The following DOK5 variants were observed in gnomAD, a reference collection of about 807,000 sequenced individuals.
The protein encoded by DOK5 is downstream of tyrosine kinase 5.
In DOK5, 27 loss-of-function variants were observed where a neutral mutation model predicts 43.3. That is an observed-to-expected ratio of 0.62 (90% CI 0.46 to 0.86). The LOEUF is 0.86. Among genes scored for constraint, DOK5 ranks in the 40% least tolerant of loss-of-function variants. The pLI, the probability that DOK5 is intolerant of heterozygous loss-of-function variation, is 0.00. For missense variants in DOK5, 373 were observed against 392.9 expected (o/e 0.95, Z 0.43); for synonymous variants, 146 against 140.1 (o/e 1.04, Z -0.30).
chr20:54,590,117 G>A (rs918084754), intron 4 of DOK5, among the ~76,000 whole-genome samples: 10 of 152,208 alleles, frequency 6.6e-5, no homozygotes, highest in South Asian at 2.1e-4. Context: ...ATTTGGGGAA[G>A]CAGTATCCTG....
At position 54,498,843 on chromosome 20, in the gene DOK5, A is replaced by G. The variant is rs112625123; in HGVS notation, c.66+22831A>G. The stretch of plus-strand genomic sequence containing the variant: ...GACTTTTTTTCTCCCCTGTGGAAGA[A>G]TAAAGCCATCTAACTGTCATTTAAG... On this transcript the variant is annotated intron_variant, in intron 1 of 7. Transcript: ENST00000262593. 4.0e-3 allele frequency among the ~76,000 whole-genome samples: 613 copies of G among 152,374 alleles called. 4 individuals are homozygous for G. Among genetic ancestry groups the G allele is most frequent in the African/African-American group, 0.014 (582 of 41,588 alleles).
chr20:54,583,872 A>AT (rs1479039899), intron 2 of DOK5, among the ~76,000 whole-genome samples: 1 of 151,964 alleles, frequency 6.6e-6, no homozygotes, highest in Non-Finnish European at 1.5e-5. Context: ...ATTTAAAGTA[A>AT]TTACTGCACC....
At chr20:54,638,870 C>A (rs1000545242) in intron 6 of DOK5, among the ~76,000 whole-genome samples, 1 of 150,458 alleles carries the variant, frequency 6.6e-6, no homozygotes, top group African/African-American at 2.4e-5. Context: ...TTAGTAGAGA[C>A]GGAGTTTCAA....
chr20:54,533,806 G>A (rs1983861663), intron 1 of DOK5, among the ~76,000 whole-genome samples: 1 of 151,924 alleles, frequency 6.6e-6, no homozygotes, highest in African/African-American at 2.4e-5. Flanking sequence ...TTTATTATTT[G>A]CTTGATGCCA....
chr20:54,640,703 C>A (rs1422829404), intron 6 of DOK5, among the ~76,000 whole-genome samples: 1 of 152,134 alleles, frequency 6.6e-6, no homozygotes, highest in East Asian at 1.9e-4. Flanking sequence ...TGCTGGGCTG[C>A]CTAAATATAT....
intron 1 of DOK5, 57 bp downstream of exon 1, chr20:54,476,069 G>T: frequency 6.2e-7 from 1 of 1,603,118 alleles, no homozygotes; most frequent in African/African-American, 1.3e-5. Context: ...TCTCTCTTGA[G>T]CCAGCATCCC....
chr20:54,596,671 T>C (rs1374754680), intron 5 of DOK5, among the ~76,000 whole-genome samples: 1 of 152,216 alleles, frequency 6.6e-6, no homozygotes, highest in African/African-American at 2.4e-5. Flanking sequence ...AAAAGATTGC[T>C]ATGAAGATTA....
intron 1 of DOK5, among the ~76,000 whole-genome samples, chr20:54,486,635 G>A (rs1981947016): frequency 6.6e-6 from 1 of 152,076 alleles, no homozygotes; most frequent in Non-Finnish European, 1.5e-5. Flanking sequence ...AATAGCAGAA[G>A]TTTGAGACTC....
At chr20:54,529,698 C>T (rs146651879) in intron 1 of DOK5, among the ~76,000 whole-genome samples, 19 of 152,264 alleles carry the variant, frequency 1.2e-4, no homozygotes, top group East Asian at 7.7e-4. Context: ...AGAGAATTCC[C>T]GTACCCATTA....
intron 2 of DOK5, among the ~76,000 whole-genome samples, chr20:54,584,708 T>G (rs979786713): frequency 1.3e-5 from 2 of 149,342 alleles, no homozygotes; most frequent in African/African-American, 4.9e-5. Context: ...TACTATAATA[T>G]GTACTCGTGT....
At chr20:54,531,699 C>T (rs961649581) in intron 1 of DOK5, among the ~76,000 whole-genome samples, 1 of 152,100 alleles carries the variant, frequency 6.6e-6, no homozygotes, top group Non-Finnish European at 1.5e-5. Flanking sequence ...ACAAAGTTTC[C>T]AAGAAAGCGC....
chr20:54,590,126 T>C (rs950475351), intron 4 of DOK5, among the ~76,000 whole-genome samples: 2 of 152,220 alleles, frequency 1.3e-5, no homozygotes, highest in African/African-American at 2.4e-5. Flanking sequence ...AGCAGTATCC[T>C]GACAGCACCA....
intron 1 of DOK5, among the ~76,000 whole-genome samples, chr20:54,539,219 G>A (rs533407962): frequency 1.4e-5 from 2 of 145,690 alleles, no homozygotes; most frequent in South Asian, 4.3e-4. Flanking sequence ...AAACCCGGGA[G>A]GCAGAGGTGA....
intron 4 of DOK5, 77 bp downstream of exon 4, chr20:54,588,883 T>C: frequency 6.6e-7 from 1 of 1,505,064 alleles, no homozygotes; most frequent in Non-Finnish European, 9.0e-7. Context: ...GACATCTTCA[T>C]TATGTAAAGT....
intron 1 of DOK5, among the ~76,000 whole-genome samples, chr20:54,484,391 A>G (rs1568748200): frequency 6.6e-6 from 1 of 152,054 alleles, no homozygotes; most frequent in East Asian, 1.9e-4. Flanking sequence ...AAAAAAAAAA[A>G]GTTAAGATCA....
chr20:54,614,698 T>C (rs1360385328), intron 6 of DOK5, among the ~76,000 whole-genome samples: 1 of 152,228 alleles, frequency 6.6e-6, no homozygotes, highest in Non-Finnish European at 1.5e-5. Flanking sequence ...GTATGCTTAA[T>C]GGGTTCTATA....
At chr20:54,604,048 G>A (rs187901124) in intron 5 of DOK5, among the ~76,000 whole-genome samples, 9,875 of 142,088 alleles carry the variant, frequency 0.069, 416 homozygotes, top group Middle Eastern at 0.14. Flanking sequence ...CCGGGTTCAC[G>A]CCGTTCTCCT....
intron 5 of DOK5, among the ~76,000 whole-genome samples, chr20:54,597,585 A>G (rs1410006349): frequency 6.6e-6 from 1 of 152,214 alleles, no homozygotes; most frequent in Non-Finnish European, 1.5e-5. Flanking sequence ...AAACCTGGGC[A>G]ATGGCAAGAG....
chr20:54,566,807 A>T (rs1985114519), intron 2 of DOK5, among the ~76,000 whole-genome samples: 1 of 151,968 alleles, frequency 6.6e-6, no homozygotes, highest in Admixed American at 6.6e-5. Flanking sequence ...TGTAGAGATG[A>T]GGTCTCACTG....
Sources: gnomAD v4.1 joint callset for allele counts (sites outside exome capture counted in the v4.1 genomes callset) on GRCh38, gnomAD v4.1.1 for gene constraint, MANE v1.5 for transcripts, NCBI Gene and HGNC (gene_info 2026-07-23, HGNC 2026-07-21) for gene names.